CDH22: variants seen among roughly 807,000 people sequenced by gnomAD.
CDH22 encodes cadherin 22, also known as cadherin-22.
A neutral mutation model predicts 58.4 loss-of-function variants in CDH22; 30 were observed. The observed-to-expected ratio is 0.51, with a 90% confidence interval of 0.38 to 0.70. The LOEUF (loss-of-function observed/expected upper bound fraction) is 0.70. Among genes scored for constraint, CDH22 ranks in the 30% least tolerant of loss-of-function variants. The pLI is 0.00. For missense variants in CDH22, 1,014 were observed against 1,233.9 expected (o/e 0.82, Z 2.67); for synonymous variants, 513 against 558.2 (o/e 0.92, Z 1.14).
chr20:46,307,598 G>A (rs192133317), intron 1 of CDH22, among the ~76,000 whole-genome samples: 1,549 of 152,260 alleles, frequency 0.01, 22 homozygotes, highest in African/African-American at 0.036. Context: ...GGGCAGGGGG[G>A]GTCGCGCCGG....
At chr20:46,181,752 C>CTTCCTTCCTTCGTTCGTTCTTTCT in intron 10 of CDH22, among the ~76,000 whole-genome samples, 17 of 26,268 alleles carry the variant, frequency 6.5e-4, no homozygotes, top group African/African-American at 1.3e-4. Flanking sequence ...TCCTTCCTTC[C>CTTCCTTCCTTCGTTCGTTCTTTCT]TTCTTTCTTT....
intron 1 of CDH22, among the ~76,000 whole-genome samples, chr20:46,284,091 T>C (rs1600726621): frequency 6.6e-6 from 1 of 151,904 alleles, no homozygotes; most frequent in African/African-American, 2.4e-5. Flanking sequence ...ATTAGAAAAA[T>C]AGATATGGCA....
In CDH22 at chr20:46,186,924, C is replaced by T. The variant is rs755330428; in HGVS notation, c.1447G>A (p.Ala483Thr). The T allele has an allele frequency of 1.2e-5, 20 of 1,605,306 alleles. No individual in the cohort carries two copies. Among genetic ancestry groups the T allele is most frequent in the Non-Finnish European group, 1.4e-5 (17 of 1,175,720 alleles). The change falls in exon 9 of 12, where the codon GCA (alanine) becomes ACA (threonine). Residue 483 changes from alanine (A) to threonine (T), a missense_variant. Around this residue, in one of 2 missense-constraint regions of CDH22, gnomAD observed 806 missense variants for 1,038.7 expected, o/e 0.78. Transcript: ENST00000537909. ...TCCAGGATTCGGATCCTTAGGGATG[C>T]CCGGGATAGCTGTGCATGATTGTCT... ...EADNHAQLSR[A>T]SLRIRILDVN...
At position 46,174,547 on chromosome 20, in the gene CDH22, A is replaced by G. The variant is rs2036510279; in HGVS notation, c.2446T>C (p.Tyr816His). ...TCGTCGTCCCCGCGGTGGCCGGCGTAGAGCGCGGCCAGGGGCCGGAAGCGC... is the reference window on the plus strand; with the variant it reads ...TCGTCGTCCCCGCGGTGGCCGGCGTGGAGCGCGGCCAGGGGCCGGAAGCGC... Reference protein sequence around the residue: ...GPRFRPLAALYAGHRGDDEAQ... With the variant: ...GPRFRPLAALHAGHRGDDEAQ... The change falls in exon 12 of 12, where the codon TAC (tyrosine) becomes CAC (histidine). Residue 816 changes from tyrosine (Y) to histidine (H), a missense_variant. By Grantham distance (83) the Tyr-to-His change is moderately conservative (BLOSUM62 2). Transcript: ENST00000537909. The surrounding 1 kb of genome is among the most constrained non-coding windows in gnomAD (Gnocchi z 4.4). 4 of 1,524,096 alleles carry G rather than the reference A, an allele frequency of 2.6e-6. No homozygotes were observed. In the Admixed American group the frequency reaches 8.0e-5, roughly 30 times the overall value. 94.4% of individuals were successfully genotyped at this position (1,524,096 alleles called of 1,614,324 possible). A position where few individuals can be genotyped will look rare whatever the true frequency, so the allele number is the denominator to read the frequency against.
intron 3 of CDH22, among the ~76,000 whole-genome samples, chr20:46,235,461 T>TTTA: frequency 1.3e-5 from 2 of 152,234 alleles, no homozygotes; most frequent in Non-Finnish European, 2.9e-5. Flanking sequence ...ATCTCTCTTC[T>TTTA]GACATCTAGA....
At chr20:46,188,766 A>G (rs1248677468) in intron 8 of CDH22, among the ~76,000 whole-genome samples, 4 of 152,146 alleles carry the variant, frequency 2.6e-5, no homozygotes, top group Non-Finnish European at 5.9e-5. Flanking sequence ...CAGACCTCTG[A>G]GTGCTCACTG....
At chr20:46,199,951 C>CTCT (rs2085943739) in intron 7 of CDH22, among the ~76,000 whole-genome samples, 3 of 49,922 alleles carry the variant, frequency 6.0e-5, no homozygotes, top group African/African-American at 2.6e-4. Flanking sequence ...CCTTCTTTTT[C>CTCT]TTTTTTGTTT....
In CDH22 at chr20:46,199,952, T is replaced by TC. The variant is rs1257502282; in HGVS notation, c.1287-394_1287-393insG. Among the ~76,000 whole-genome samples, 16 of 80,266 alleles carry TC rather than the reference T, an allele frequency of 2.0e-4. No homozygotes were observed. The South Asian group carries it at 3.0e-3, about 15-fold the overall frequency. The allele number at this position is 80,266 out of a possible 152,430, so 52.7% of individuals were successfully genotyped here. A position where few individuals can be genotyped will look rare whatever the true frequency, so the allele number is the denominator to read the frequency against. ...CTCTTTCCTTCCTTCCTTCTTTTTC[T>TC]TTTTTGTTTATTTATTTTATTTTAT... On this transcript the variant is annotated intron_variant, in intron 7 of 11. Transcript: ENST00000537909.
intron 4 of CDH22, among the ~76,000 whole-genome samples, chr20:46,217,738 CAA>C (rs2086095743): frequency 6.6e-6 from 1 of 152,026 alleles, no homozygotes; most frequent in African/African-American, 2.4e-5. Context: ...CACATACACA[CAA>C]ACACACAAAC....
At position 46,174,191 on chromosome 20, in the gene CDH22, A is replaced by G. The variant is rs936883435; in HGVS notation, c.*315T>C. ...CTCCAGCATTCTCCCCCAGGCCAGG[A>G]TTGAGTGACCCGCCCCTTCCCGACT... On this transcript the variant is annotated 3_prime_UTR_variant, in exon 12 of 12. Transcript: ENST00000537909. This position sits in a 1 kb window ranked among gnomAD's most constrained non-coding sequence, Gnocchi z 4.4. 2.5e-6 allele frequency: 1 copy of G among 398,036 alleles called. No individual in the cohort carries two copies. Among genetic ancestry groups the G allele is most frequent in the Non-Finnish European group, 4.5e-6 (1 of 224,558 alleles). The allele number at this position is 398,036 out of a possible 1,614,324, so 24.7% of individuals were successfully genotyped here. A position where few individuals can be genotyped will look rare whatever the true frequency, so the allele number is the denominator to read the frequency against.
rs931213284 is a variant in CDH22 at position 46,178,068 on chromosome 20, C to T, written c.1793G>A (p.Arg598His). The T allele has an allele frequency of 1.1e-5, 18 of 1,613,952 alleles. No individual in the cohort carries two copies. Among genetic ancestry groups the T allele is most frequent in the South Asian group, 7.7e-5 (7 of 91,076 alleles). The change falls in exon 11 of 12, where the codon CGC becomes CAC. Residue 598 changes from arginine to histidine, a missense_variant. Physicochemically the swap from Arg to His is conservative, Grantham distance 29. This residue lies in a region of CDH22 where 806 missense variants were observed against 1,038.7 expected (regional missense o/e 0.78). Transcript: ENST00000537909. ...GCCGGAGCTGTCGCAGCCACAGATGCGGATGGTGAGCGTGCCTGTGCTGCT... is the reference window on the plus strand; with the variant it reads ...GCCGGAGCTGTCGCAGCCACAGATGTGGATGGTGAGCGTGCCTGTGCTGCT... The part of the protein sequence containing the change: ...TLSSTGTLTI[R>H]ICGCDSSGTI...
At chr20:46,194,919 G>A (rs1003787488) in intron 8 of CDH22, among the ~76,000 whole-genome samples, 4 of 152,062 alleles carry the variant, frequency 2.6e-5, no homozygotes, top group Admixed American at 2.0e-4. Context: ...TAGTAGAGAT[G>A]GGGTTTCACC....
Position 46,216,701 on chromosome 20 carries a change from A to G in CDH22, c.838+125T>C, listed in dbSNP as rs1048435551. On this transcript the variant is annotated intron_variant, in intron 5 of 11. Coordinates refer to ENST00000537909, the MANE Select transcript of CDH22 (RefSeq NM_021248.3). This position sits in a 1 kb window ranked among gnomAD's most constrained non-coding sequence, Gnocchi z 5.3. ...GGCTTGGGAGGACAGACAGACAGAC[A>G]GAAAGAGAGGGGGAAGCCCTTCTTT... The G allele has an allele frequency of 1.8e-5, 17 of 926,544 alleles. No homozygotes were observed. In the South Asian group the frequency reaches 1.8e-4, roughly 10 times the overall value. 57.4% of individuals were successfully genotyped at this position (926,544 alleles called of 1,614,324 possible).
chr20:46,249,618 C>T (rs112561842), intron 2 of CDH22, among the ~76,000 whole-genome samples: 21 of 152,298 alleles, frequency 1.4e-4, no homozygotes, highest in African/African-American at 4.6e-4. Flanking sequence ...AACTGCCTCC[C>T]GGTTCCCACA....
In CDH22 at chr20:46,299,334, C is replaced by T. The variant is rs578107029; in HGVS notation, c.-400+8921G>A. On this transcript the variant is annotated intron_variant, in intron 1 of 11. Transcript: ENST00000537909. ...CACAGCTCAAATACTGCCTCCCCCA[C>T]GAAGCCTCCCCCAGTGCCTTCGACC... 7.2e-5 allele frequency among the ~76,000 whole-genome samples: 11 copies of T among 152,354 alleles called. No individual in the cohort carries two copies. In the South Asian group the frequency reaches 1.0e-3, roughly 14 times the overall value.
chr20:46,308,145 C>G lies in CDH22; in HGVS notation c.-400+110G>C, dbSNP rs2145792275. ...CCTCCTGCGGCTGGAGGCTCGCCCC[C>G]CGCGCCGCCTGCCCGGCCGCTCCCG... is the stretch of plus-strand genomic sequence containing the variant. On this transcript the variant is annotated intron_variant, in intron 1 of 11. Transcript: ENST00000537909. This position sits in a 1 kb window ranked among gnomAD's most constrained non-coding sequence, Gnocchi z 4.3. 1.3e-5 allele frequency: 2 copies of G among 151,186 alleles called. No individual in the cohort carries two copies. The highest frequency in any genetic ancestry group is 4.1e-4 in the South Asian group (2 of 4,820). 9.4% of individuals were successfully genotyped at this position (151,186 alleles called of 1,614,324 possible). A position where few individuals can be genotyped will look rare whatever the true frequency, so the allele number is the denominator to read the frequency against.
At chr20:46,265,653 A>G (rs1600721463) in intron 1 of CDH22, among the ~76,000 whole-genome samples, 1 of 152,072 alleles carries the variant, frequency 6.6e-6, no homozygotes, top group African/African-American at 2.4e-5. Flanking sequence ...GGTCTTTTGC[A>G]TCTTGCTTCT....
intron 8 of CDH22, among the ~76,000 whole-genome samples, chr20:46,189,696 T>C (rs942705443): frequency 4.6e-5 from 7 of 152,238 alleles, no homozygotes; most frequent in African/African-American, 1.7e-4. Flanking sequence ...CCTAATGTCC[T>C]TGGCATGAGT....
intron 1 of CDH22, among the ~76,000 whole-genome samples, chr20:46,273,895 G>A (rs951620259): frequency 1.3e-5 from 2 of 152,242 alleles, no homozygotes; most frequent in Admixed American, 1.3e-4. Context: ...GAAGGCCCCA[G>A]GGCCCAGTGT....
Sources: gnomAD v4.1 joint callset for allele counts (sites outside exome capture counted in the v4.1 genomes callset) on GRCh38, gnomAD v4.1.1 for gene constraint, gnomAD v4.1.1 regional missense constraint, Gnocchi (gnomAD v3.1) non-coding constraint, MANE v1.5 for transcripts, NCBI Gene and HGNC (gene_info 2026-07-23, HGNC 2026-07-21) for gene names.